The following SUPT3H variants were observed in gnomAD, a reference collection of about 807,000 sequenced individuals.
The protein encoded by SUPT3H is SPT3 homolog, SAGA and STAGA complex component.
In SUPT3H, 44 loss-of-function variants were observed where a neutral mutation model predicts 44.3. That is an observed-to-expected ratio of 0.99 (90% CI 0.78 to 1.28). SUPT3H has a LOEUF of 1.28. SUPT3H is among the 50% of genes most tolerant of loss of function. The pLI, the probability that SUPT3H is intolerant of heterozygous loss-of-function variation, is 0.00. For synonymous variants in SUPT3H, 124 were observed against 125.6 expected, an observed-to-expected ratio of 0.99 and a Z score of 0.09; for missense variants, 380 against 387.1, an observed-to-expected ratio of 0.98 and a Z score of 0.15.
chr6:45,319,812 G>T (rs939954754), intron 2 of SUPT3H, among the ~76,000 whole-genome samples: 5 of 152,148 alleles, frequency 3.3e-5, no homozygotes, highest in African/African-American at 4.8e-5. Context: ...GTTGATCATA[G>T]TTGTTACTAA....
intron 3 of SUPT3H, among the ~76,000 whole-genome samples, chr6:45,040,269 T>TC: frequency 6.6e-6 from 1 of 152,312 alleles, no homozygotes; most frequent in Non-Finnish European, 1.5e-5. Context: ...CATGGGGCTG[T>TC]AGTTTGCTGA....
chr6:45,187,988 A>G (rs1167076236), intron 2 of SUPT3H, among the ~76,000 whole-genome samples: 4 of 152,244 alleles, frequency 2.6e-5, no homozygotes, highest in Admixed American at 1.3e-4. Flanking sequence ...CATTCTGGGT[A>G]GCATGATGAA....
At chr6:45,076,669 A>T (rs1202700158) in intron 3 of SUPT3H, among the ~76,000 whole-genome samples, 1 of 152,120 alleles carries the variant, frequency 6.6e-6, no homozygotes, top group Non-Finnish European at 1.5e-5. Context: ...TTAAATAATT[A>T]AATTGACGCC....
At chr6:45,132,768 A>G (rs1216298143) in intron 2 of SUPT3H, among the ~76,000 whole-genome samples, 2 of 152,200 alleles carry the variant, frequency 1.3e-5, no homozygotes, top group African/African-American at 4.8e-5. Context: ...ATGATTCAAC[A>G]CTTGTTGTCC....
intron 3 of SUPT3H, among the ~76,000 whole-genome samples, chr6:45,092,731 C>T (rs1366208898): frequency 8.5e-6 from 1 of 117,474 alleles, no homozygotes; most frequent in Non-Finnish European, 1.6e-5. Flanking sequence ...GCCTGGGGAA[C>T]AACGGTGAGA....
At chr6:45,115,474 G>A (rs991222688) in intron 2 of SUPT3H, among the ~76,000 whole-genome samples, 2 of 152,074 alleles carry the variant, frequency 1.3e-5, no homozygotes, top group Non-Finnish European at 2.9e-5. Context: ...TAAACACTCT[G>A]AGAGGTTCTG....
chr6:45,202,384 C>G (rs1284955), intron 2 of SUPT3H, among the ~76,000 whole-genome samples: 129,634 of 151,822 alleles, frequency 0.85, 55,605 homozygotes, highest in African/African-American at 0.9. Flanking sequence ...GAAAGAAGAG[C>G]AGAAAACAGA....
At chr6:44,884,512 A>T (rs1214589895) in intron 10 of SUPT3H, among the ~76,000 whole-genome samples, 1 of 152,196 alleles carries the variant, frequency 6.6e-6, no homozygotes, top group Non-Finnish European at 1.5e-5. Flanking sequence ...ATTATAAATC[A>T]TTCCATTATA....
intron 2 of SUPT3H, among the ~76,000 whole-genome samples, chr6:45,178,771 G>C (rs1812521634): frequency 6.6e-6 from 1 of 152,118 alleles, no homozygotes; most frequent in South Asian, 2.1e-4. Flanking sequence ...TCACTCAAAA[G>C]CGCTCAAGTA....
At chr6:45,148,914 G>A (rs1806501864) in intron 2 of SUPT3H, among the ~76,000 whole-genome samples, 1 of 152,120 alleles carries the variant, frequency 6.6e-6, no homozygotes, top group South Asian at 2.1e-4. Context: ...TAGCAGGACT[G>A]ACTCTAAGTA....
Position 45,181,159 on chromosome 6 carries a change from C to A in SUPT3H, c.102-75153G>T, listed in dbSNP as rs1463965704. Among the ~76,000 whole-genome samples, 3 of 134,550 alleles carry A rather than the reference C, an allele frequency of 2.2e-5. 1 individual carries two copies. The highest frequency in any genetic ancestry group is 3.2e-5 in the Non-Finnish European group (2 of 62,718). 88.3% of individuals were successfully genotyped at this position (134,550 alleles called of 152,430 possible). Reference sequence around the variant, plus strand: ...ATCAGAGAAATGCAAATCAAAACCACAATGAGATACCATCTCACACCAGTT... The same window carrying A: ...ATCAGAGAAATGCAAATCAAAACCAAAATGAGATACCATCTCACACCAGTT... On this transcript the variant is annotated intron_variant, in intron 2 of 10. Coordinates refer to ENST00000371459, the MANE Select transcript of SUPT3H (RefSeq NM_003599.4).
rs16872923 is a variant in SUPT3H at position 44,953,386 on chromosome 6, T to G, written c.725A>C (p.Asp242Ala). ...GGGGTCCCCTGCCTTGGTTACCATG[T>G]CTTGCCTCACAAGAAGAGCCAGATC... ...LVDLALLVRQ[D>A]MVTKAGDPFS... Residue 242 changes from aspartate (D) to alanine (A), a missense_variant, in exon 9 of 11, where the codon GAC becomes GCC. Asp to Ala is a moderately radical substitution (Grantham distance 126, BLOSUM62 -2). Coordinates refer to ENST00000371459, the MANE Select transcript of SUPT3H (RefSeq NM_003599.4). The G allele has an allele frequency of 6.9e-4, 1,119 of 1,614,136 alleles. 14 individuals carry two copies. The African/African-American group carries it at 0.014, about 20-fold the overall frequency.
At chr6:45,267,378 C>A (rs1457256441) in intron 2 of SUPT3H, among the ~76,000 whole-genome samples, 1 of 152,184 alleles carries the variant, frequency 6.6e-6, no homozygotes, top group East Asian at 1.9e-4. Context: ...TTCTCTCTCC[C>A]ATATTCATAC....
At chr6:45,122,471 T>C (rs1015739430) in intron 2 of SUPT3H, among the ~76,000 whole-genome samples, 1 of 152,188 alleles carries the variant, frequency 6.6e-6, no homozygotes, top group African/African-American at 2.4e-5. Flanking sequence ...AATATTGATG[T>C]TTAAAATGTC....
rs1404382689 is a variant in SUPT3H at position 45,235,956 on chromosome 6, C to T, written c.101+129245G>A. On this transcript the variant is annotated intron_variant, in intron 2 of 10. Coordinates refer to ENST00000371459, the MANE Select transcript of SUPT3H (RefSeq NM_003599.4). ...GCATGAGCGATCTGTGCCTTAAGGACATGTTTCTGCTGCAGGAAACTAGCC... is the reference window on the plus strand; with the variant it reads ...GCATGAGCGATCTGTGCCTTAAGGATATGTTTCTGCTGCAGGAAACTAGCC... 1.9e-4 allele frequency among the ~76,000 whole-genome samples: 29 copies of T among 152,202 alleles called. 1 individual carries two copies. Among genetic ancestry groups the T allele is most frequent in the Admixed American group, 1.9e-3 (29 of 15,284 alleles).
intron 2 of SUPT3H, among the ~76,000 whole-genome samples, chr6:45,137,218 T>G (rs766561549): frequency 1.2e-4 from 18 of 152,048 alleles, no homozygotes; most frequent in Non-Finnish European, 2.4e-4. Flanking sequence ...CCTGAGAGAA[T>G]GTGTTGCTAG....
At chr6:45,124,497 T>C (rs977150397) in intron 2 of SUPT3H, among the ~76,000 whole-genome samples, 7 of 151,608 alleles carry the variant, frequency 4.6e-5, no homozygotes, top group Non-Finnish European at 1.0e-4. Context: ...ATACAAAAAT[T>C]AGCTGGGCAT....
rs74865784 is a variant in SUPT3H at position 45,048,818 on chromosome 6, T to C, written c.187-28186A>G. Among the ~76,000 whole-genome samples the C allele has an allele frequency of 6.5e-3, 984 of 152,202 alleles. 22 individuals carry two copies. Among genetic ancestry groups the C allele is most frequent in the East Asian group, 0.044 (228 of 5,166 alleles). ...AAGACAAATGCCACATGATCTCATA[T>C]GTGGAATCTAAAACGTTTGACCTCA... On this transcript the variant is annotated intron_variant, in intron 3 of 10. Coordinates refer to ENST00000371459, the MANE Select transcript of SUPT3H (RefSeq NM_003599.4).
intron 2 of SUPT3H, among the ~76,000 whole-genome samples, chr6:45,144,735 A>G (rs753701793): frequency 1.3e-5 from 2 of 152,114 alleles, no homozygotes; most frequent in Non-Finnish European, 2.9e-5. Flanking sequence ...CACTGATAAT[A>G]TGATCATATA....
Sources: gnomAD v4.1 joint callset for allele counts (sites outside exome capture counted in the v4.1 genomes callset) on GRCh38, gnomAD v4.1.1 for gene constraint, MANE v1.5 for transcripts, NCBI Gene and HGNC (gene_info 2026-07-23, HGNC 2026-07-21) for gene names.